The following NBEAL1 variants were observed in gnomAD, a reference collection of about 807,000 sequenced individuals.
NBEAL1 encodes the protein neurobeachin like 1.
In NBEAL1, 273 loss-of-function variants were observed where a neutral mutation model predicts 351.3. That is an observed-to-expected ratio of 0.78 (90% CI 0.70 to 0.86). The LOEUF (loss-of-function observed/expected upper bound fraction) is 0.86. Among genes scored for constraint, NBEAL1 ranks in the 40% least tolerant of loss-of-function variants. NBEAL1 has a pLI of 0.00. For synonymous variants in NBEAL1, 1,050 were observed against 1,086.4 expected, an observed-to-expected ratio of 0.97 and a Z score of 0.66; for missense variants, 2,961 against 3,201.3, an observed-to-expected ratio of 0.92 and a Z score of 1.81.
chr2:203,047,180 T>C (rs1348838738), intron 3 of NBEAL1, among the ~76,000 whole-genome samples: 1 of 151,410 alleles, frequency 6.6e-6, no homozygotes, highest in Non-Finnish European at 1.5e-5. Flanking sequence ...AAGGTTGCAG[T>C]GAGCTGAGAT....
At chr2:203,049,436 A>C (rs1367007634) in intron 3 of NBEAL1, among the ~76,000 whole-genome samples, 27 of 152,226 alleles carry the variant, frequency 1.8e-4, no homozygotes, top group Non-Finnish European at 1.5e-5. Context: ...AATGGTATGC[A>C]CACTGCTATA....
intron 41 of NBEAL1, 82 bp downstream of exon 41, chr2:203,172,935 A>C (rs2106414419): frequency 6.7e-6 from 9 of 1,343,442 alleles, no homozygotes; most frequent in Non-Finnish European, 8.9e-6. Flanking sequence ...CAACCAAAAA[A>C]ATTTTTTTTT....
At chr2:203,179,931 G>A (rs774941064) in intron 42 of NBEAL1, among the ~76,000 whole-genome samples, 12 of 151,900 alleles carry the variant, frequency 7.9e-5, no homozygotes, top group Non-Finnish European at 1.5e-4. Flanking sequence ...GTGCCACCAC[G>A]CCTGGCTAAT....
chr2:203,149,625 T>G (rs2063599807), intron 34 of NBEAL1, among the ~76,000 whole-genome samples: 1 of 152,220 alleles, frequency 6.6e-6, no homozygotes, highest in South Asian at 2.1e-4. Context: ...TCACTGGCAC[T>G]GAGTATATTC....
chr2:203,128,053 C>A, intron 24 of NBEAL1, 116 bp downstream of exon 24: 1 of 738,504 alleles, frequency 1.4e-6, no homozygotes, highest in Non-Finnish European at 2.2e-6. Flanking sequence ...TGTGTAGTGT[C>A]ACATTCAATA....
At chr2:203,083,572 T>C in intron 9 of NBEAL1, 47 bp downstream of exon 9, 1 of 1,374,608 alleles carries the variant, frequency 7.3e-7, no homozygotes, top group Non-Finnish European at 9.8e-7. Context: ...TTTTTTATTT[T>C]CATATCTACC....
At chr2:203,138,132 G>A (rs781090643) in intron 29 of NBEAL1, 30 bp from the exon 30 acceptor site, 2 of 1,609,192 alleles carry the variant, frequency 1.2e-6, no homozygotes, top group Admixed American at 1.7e-5. Flanking sequence ...AGCTCACAAT[G>A]GTTTTAAGAG....
At chr2:203,020,007 ATAATTT>A (rs1559312128) in intron 2 of NBEAL1, among the ~76,000 whole-genome samples, 1 of 149,956 alleles carries the variant, frequency 6.7e-6, no homozygotes, top group Non-Finnish European at 1.5e-5. Flanking sequence ...ATTTTATCTG[ATAATTT>A]TAATTGATAA....
At chr2:203,209,387 A>G in intron 53 of NBEAL1, 65 bp downstream of exon 53, 2 of 1,194,968 alleles carry the variant, frequency 1.7e-6, no homozygotes, top group African/African-American at 1.5e-5. Context: ...CCCACATTAT[A>G]GATGAGGTTT....
At chr2:203,114,213 A>G (rs1308754717) in intron 17 of NBEAL1, among the ~76,000 whole-genome samples, 1 of 152,166 alleles carries the variant, frequency 6.6e-6, no homozygotes, top group African/African-American at 2.4e-5. Context: ...TAAAGGCCCT[A>G]TTCCAATACA....
At chr2:203,184,966 T>A (rs1013269552) in intron 44 of NBEAL1, among the ~76,000 whole-genome samples, 17 of 151,762 alleles carry the variant, frequency 1.1e-4, no homozygotes, top group Non-Finnish European at 2.1e-4. Flanking sequence ...TGTGCCCTGG[T>A]GAACCATTAG....
chr2:203,214,743 C>G (rs1159945114), intron 55 of NBEAL1, among the ~76,000 whole-genome samples: 1 of 152,144 alleles, frequency 6.6e-6, no homozygotes, highest in Non-Finnish European at 1.5e-5. Context: ...CTGCTGCACT[C>G]CAGCCTGGGT....
chr2:203,096,793 G>T (rs1264361542), intron 10 of NBEAL1, among the ~76,000 whole-genome samples: 1 of 152,136 alleles, frequency 6.6e-6, no homozygotes, highest in Admixed American at 6.5e-5. Flanking sequence ...GAGACTCTGA[G>T]GAAGTACTTC....
At chr2:203,199,699 T>C (rs2065340278) in intron 49 of NBEAL1, among the ~76,000 whole-genome samples, 3 of 152,036 alleles carry the variant, frequency 2.0e-5, no homozygotes, top group Admixed American at 2.0e-4. Flanking sequence ...CAGGCTGGTC[T>C]CAAACCCTTG....
At chr2:203,084,416 C>A in intron 9 of NBEAL1, 47 bp from the exon 10 acceptor site, 2 of 993,670 alleles carry the variant, frequency 2.0e-6, no homozygotes, top group Non-Finnish European at 2.9e-6. Context: ...TTTGTATGAT[C>A]CCAAATTTTC....
At chr2:203,202,662 TTTTA>T in intron 50 of NBEAL1, 21 bp from the exon 51 acceptor site, 1 of 1,358,710 alleles carries the variant, frequency 7.4e-7, no homozygotes, top group Non-Finnish European at 1.1e-6. Flanking sequence ...AGGCATCTCA[TTTTA>T]TTTAATTCCT....
intron 19 of NBEAL1, among the ~76,000 whole-genome samples, chr2:203,124,817 A>G (rs2062903436): frequency 6.6e-6 from 1 of 152,234 alleles, no homozygotes; most frequent in African/African-American, 2.4e-5. Flanking sequence ...ACAGATGAAG[A>G]AACTGAAGCC....
intron 23 of NBEAL1, among the ~76,000 whole-genome samples, chr2:203,127,211 G>T (rs2062958427): frequency 6.6e-6 from 1 of 152,166 alleles, no homozygotes; most frequent in Non-Finnish European, 1.5e-5. Flanking sequence ...TCCTTTGGTT[G>T]TTTTGAGGAT....
Position 203,190,365 on chromosome 2 carries a change from G to A in NBEAL1, c.6897G>A (p.Gly2299=). 6.2e-7 allele frequency: 1 copy of A among 1,610,814 alleles called. No individual in the cohort carries two copies. The highest frequency in any genetic ancestry group is 8.5e-7 in the Non-Finnish European group (1 of 1,178,920). Residue 2299 remains glycine, a synonymous_variant, in exon 46 of 56, where the codon GGG becomes GGA. Coordinates refer to ENST00000683969, the MANE Select transcript of NBEAL1 (RefSeq NM_001378026.1). ...TAGAAGGGATGATTAATAATTTTGGGCAAACACCCTGTCAATTATTAAAGG... is the reference window on the plus strand; with the variant it reads ...TAGAAGGGATGATTAATAATTTTGGACAAACACCCTGTCAATTATTAAAGG... ...KALEGMINNF[G]QTPCQLLKEP... is the part of the protein sequence containing the mutation.
Sources: allele counts gnomAD v4.1 joint callset (sites outside exome capture counted in the v4.1 genomes callset), GRCh38; gene constraint gnomAD v4.1.1; transcripts MANE v1.5; gene names NCBI Gene and HGNC (gene_info 2026-07-23, HGNC 2026-07-21).